The following CRYBG3 variants were observed in gnomAD, a reference collection of about 807,000 sequenced individuals.
CRYBG3 encodes very large A-kinase anchor protein.
Under a neutral mutation model 244.2 loss-of-function variants are expected in CRYBG3, and 127 were observed. That is an observed-to-expected ratio of 0.52 (90% CI 0.45 to 0.60). The LOEUF is 0.60. Among genes scored for constraint, CRYBG3 ranks in the 20% least tolerant of loss-of-function variants. CRYBG3 has a pLI of 0.00. For missense variants in CRYBG3, 3,325 were observed against 3,442.5 expected, an observed-to-expected ratio of 0.97 and a Z score of 0.85; for synonymous variants, 1,132 against 1,195.8, an observed-to-expected ratio of 0.95 and a Z score of 1.10.
In CRYBG3 at chr3:97,877,630, G is replaced by A. The variant is rs1477509469; in HGVS notation, c.6436G>A (p.Ala2146Thr). 32 of 1,614,014 alleles carry A rather than the reference G, an allele frequency of 2.0e-5. No individual in the cohort carries two copies. Among genetic ancestry groups the A allele is most frequent in the Middle Eastern group, 1.6e-4 (1 of 6,084 alleles). ...TTTTGATGAAGATGACAGAGAGGCA[G>A]CTGATGAGGAAGAAGAGGAGGAGGA... ...MNFDEDDREA[A>T]DEEEEEEEAA... is the part of the protein sequence containing the mutation. The change falls in exon 4 of 22, where the codon GCT (alanine) becomes ACT (threonine). Residue 2146 changes from alanine to threonine, a missense_variant. By Grantham distance (58) the Ala-to-Thr change is moderately conservative (BLOSUM62 0). Around this residue, in one of 4 missense-constraint regions of CRYBG3, gnomAD observed 450 missense variants for 424.1 expected, o/e 1.06. Coordinates refer to ENST00000389622, the MANE Select transcript of CRYBG3 (RefSeq NM_153605.4).
chr3:97,934,750 A>G (rs2040140859), intron 18 of CRYBG3, among the ~76,000 whole-genome samples: 1 of 152,100 alleles, frequency 6.6e-6, no homozygotes, highest in Non-Finnish European at 1.5e-5. Context: ...TTTGATGTTT[A>G]TTCAGACAAA....
At chr3:97,867,803 G>C (rs1254534145) in intron 3 of CRYBG3, among the ~76,000 whole-genome samples, 1 of 152,088 alleles carries the variant, frequency 6.6e-6, no homozygotes, top group Non-Finnish European at 1.5e-5. Flanking sequence ...AAATGTGATG[G>C]TAACTTCCTT....
intron 18 of CRYBG3, among the ~76,000 whole-genome samples, chr3:97,935,084 AC>A (rs2040146842): frequency 6.6e-6 from 1 of 152,032 alleles, no homozygotes; most frequent in Non-Finnish European, 1.5e-5. Context: ...TTCCTAGGTT[AC>A]AGAATACTAC....
At chr3:97,884,237 C>G (rs571137422) in intron 7 of CRYBG3, among the ~76,000 whole-genome samples, 1 of 152,124 alleles carries the variant, frequency 6.6e-6, no homozygotes, top group East Asian at 1.9e-4. Flanking sequence ...TCTTTGTACC[C>G]AGGGAAAATA....
At chr3:97,900,409 A>C (rs1484099542) in intron 14 of CRYBG3, 44 bp from the exon 15 acceptor site, 1 of 1,103,720 alleles carries the variant, frequency 9.1e-7, no homozygotes, top group Admixed American at 2.2e-5. Flanking sequence ...AAAAAGACAG[A>C]TTATGTGATT....
intron 15 of CRYBG3, among the ~76,000 whole-genome samples, chr3:97,909,581 C>T (rs1226416605): frequency 1.1e-4 from 16 of 142,450 alleles, no homozygotes; most frequent in African/African-American, 2.3e-4. Context: ...GTTCTCGAGC[C>T]TTGGTTTTCA....
Position 97,875,616 on chromosome 3 carries a change from A to G in CRYBG3, c.4422A>G (p.Leu1474=). 1 of 1,235,302 alleles carries G rather than the reference A, an allele frequency of 8.1e-7. No homozygotes were observed. Among genetic ancestry groups the G allele is most frequent in the Non-Finnish European group, 1.0e-6 (1 of 990,378 alleles). The allele number at this position is 1,235,302 out of a possible 1,614,324, so 76.5% of individuals were successfully genotyped here. ...CAGAGGACAGAAGAACTCTTGTATT[A>G]AATTTCAAATGGCCTCCACTTGTGA... ...TETEDRRTLV[L]NFKWPPLVND... is the part of the protein sequence containing the mutation. The change falls in exon 4 of 22, where the codon TTA becomes TTG. Residue 1474 remains leucine (L), a synonymous_variant. Transcript: ENST00000389622.
At position 97,942,347 on chromosome 3, in the gene CRYBG3, T is replaced by C; in HGVS notation, c.8728T>C (p.Trp2910Arg). The change falls in exon 21 of 22, where the codon TGG becomes CGG. Residue 2910 changes from tryptophan to arginine, a missense_variant. Physicochemically the swap from Trp to Arg is moderately radical, Grantham distance 101. This residue lies in a region of CRYBG3 where 714 missense variants were observed against 803.6 expected (regional missense o/e 0.89). Transcript: ENST00000389622. ...RDTPGAKVAL[W>R]TEHGQFRQKW... ...CACACCTGGAGCTAAAGTAGCTCTATGGACTGAACATGGGCAATTCAGGCA... is the reference window on the plus strand; with the variant it reads ...CACACCTGGAGCTAAAGTAGCTCTACGGACTGAACATGGGCAATTCAGGCA... The C allele has an allele frequency of 6.2e-7, 1 of 1,611,988 alleles. No individual in the cohort carries two copies. Among genetic ancestry groups the C allele is most frequent in the South Asian group, 1.1e-5 (1 of 90,920 alleles).
At chr3:97,855,572 T>C (rs1471450602) in intron 2 of CRYBG3, among the ~76,000 whole-genome samples, 3 of 152,192 alleles carry the variant, frequency 2.0e-5, no homozygotes, top group Admixed American at 1.3e-4. Context: ...TGGTAGCTTG[T>C]ATATGTCCAG....
At chr3:97,823,977 T>A (rs1054821621) in intron 1 of CRYBG3, among the ~76,000 whole-genome samples, 1 of 152,234 alleles carries the variant, frequency 6.6e-6, no homozygotes, top group Non-Finnish European at 1.5e-5. Context: ...CATCTCCAGA[T>A]TGGCACAAAT....
At position 97,876,741 on chromosome 3, in the gene CRYBG3, C is replaced by T; in HGVS notation, c.5547C>T (p.Ser1849=). The stretch of plus-strand genomic sequence containing the variant: ...CTGTGATAGAAATGGAAAAAATATC[C>T]CCAGAAGATCGTGGTGAGAATATTG... ...TPSVIEMEKI[S]PEDRGENIGK... Residue 1849 remains serine, a synonymous_variant, in exon 4 of 22, where the codon TCC becomes TCT. Coordinates refer to ENST00000389622, the MANE Select transcript of CRYBG3 (RefSeq NM_153605.4). 1 of 1,253,936 alleles carries T rather than the reference C, an allele frequency of 8.0e-7. No individual in the cohort carries two copies. Among genetic ancestry groups the T allele is most frequent in the East Asian group, 3.1e-5 (1 of 32,678 alleles). 77.7% of individuals were successfully genotyped at this position (1,253,936 alleles called of 1,614,324 possible).
At chr3:97,849,449 A>AGT in intron 2 of CRYBG3, among the ~76,000 whole-genome samples, 1 of 152,066 alleles carries the variant, frequency 6.6e-6, no homozygotes, top group African/African-American at 2.4e-5. Flanking sequence ...AAAAAAAAAA[A>AGT]GTGAGTGCTA....
chr3:97,908,134 T>C (rs1259228403), intron 15 of CRYBG3, among the ~76,000 whole-genome samples: 1 of 152,220 alleles, frequency 6.6e-6, no homozygotes, highest in East Asian at 1.9e-4. Context: ...ATTTCTATTC[T>C]TTTACATTTG....
intron 17 of CRYBG3, among the ~76,000 whole-genome samples, chr3:97,918,899 C>T (rs967044162): frequency 6.6e-6 from 1 of 152,162 alleles, no homozygotes; most frequent in African/African-American, 2.4e-5. Context: ...TGCCTATGCA[C>T]ACATCATTGT....
Position 97,873,721 on chromosome 3 carries a change from C to T in CRYBG3, c.2527C>T (p.Leu843Phe). The T allele has an allele frequency of 1.3e-6, 2 of 1,535,974 alleles. No homozygotes were observed. Among genetic ancestry groups the T allele is most frequent in the South Asian group, 1.2e-5 (1 of 84,026 alleles). Residue 843 changes from leucine (L) to phenylalanine (F), a missense_variant, in exon 4 of 22, where the codon CTT becomes TTT. Leu to Phe is a conservative substitution (Grantham distance 22). Around this residue, in one of 4 missense-constraint regions of CRYBG3, gnomAD observed 1,526 missense variants for 1,443.2 expected, o/e 1.06. Transcript: ENST00000389622. ...GKTISLSKVS[L>F]SKVEPRNISQ... ...AACTATATCCTTGTCCAAGGTATCT[C>T]TTTCAAAAGTGGAGCCCAGAAACAT...
At chr3:97,896,150 T>C (rs2039638223) in intron 12 of CRYBG3, 65 bp downstream of exon 12, 13 of 1,436,560 alleles carry the variant, frequency 9.0e-6, no homozygotes, top group Middle Eastern at 1.8e-4. Context: ...AAATTGGACA[T>C]GACTCCTGAT....
intron 18 of CRYBG3, among the ~76,000 whole-genome samples, chr3:97,935,572 C>A (rs2040155141): frequency 6.6e-6 from 1 of 152,078 alleles, no homozygotes; most frequent in African/African-American, 2.4e-5. Context: ...CAGCTCTCCC[C>A]TTCTCCCCAC....
rs2039378884 is a variant in CRYBG3 at position 97,876,843 on chromosome 3, A to T, written c.5649A>T (p.Gln1883His). 1.5e-6 allele frequency: 2 copies of T among 1,377,638 alleles called. No individual in the cohort carries two copies. Among genetic ancestry groups the T allele is most frequent in the East Asian group, 5.3e-5 (2 of 37,704 alleles). 85.3% of individuals were successfully genotyped at this position (1,377,638 alleles called of 1,614,324 possible). A position where few individuals can be genotyped will look rare whatever the true frequency, so the allele number is the denominator to read the frequency against. The change falls in exon 4 of 22, where the codon CAA (glutamine) becomes CAT (histidine). Residue 1883 changes from glutamine (Q) to histidine (H), a missense_variant. Gln to His is a conservative substitution (Grantham distance 24, BLOSUM62 0). This residue lies in a region of CRYBG3 where 635 missense variants were observed against 771.7 expected (regional missense o/e 0.82). Transcript: ENST00000389622. ...HGTGLELTTK[Q>H]GEAMLPAFES... The stretch of plus-strand genomic sequence containing the variant: ...CAGGACTAGAATTGACCACTAAACA[A>T]GGGGAGGCCATGCTTCCTGCATTTG...
chr3:97,891,877 T>C (rs922629538), intron 10 of CRYBG3, among the ~76,000 whole-genome samples: 1 of 152,190 alleles, frequency 6.6e-6, no homozygotes, highest in African/African-American at 2.4e-5. Context: ...AAGCTTTGGC[T>C]AACTTTTTCA....
Sources: allele counts gnomAD v4.1 joint callset (sites outside exome capture counted in the v4.1 genomes callset), GRCh38; gene constraint gnomAD v4.1.1; regional missense constraint gnomAD v4.1.1; transcripts MANE v1.5; gene names NCBI Gene and HGNC (gene_info 2026-07-23, HGNC 2026-07-21).